Variants in MACF1 observed in about 807,000 individuals in gnomAD.
The protein encoded by MACF1 is microtubule actin crosslinking factor 1.
A neutral mutation model predicts 854.8 loss-of-function variants in MACF1; 193 were observed. That is an observed-to-expected ratio of 0.23 (90% CI 0.20 to 0.25). The LOEUF is 0.25. Among genes scored for constraint, MACF1 ranks in the 10% least tolerant of loss-of-function variants. MACF1 has a pLI of 1.00. For missense variants in MACF1, 7,722 were observed against 8,929.1 expected (o/e 0.86, Z 5.45); for synonymous variants, 3,185 against 3,226.7 (o/e 0.99, Z 0.44).
intron 1 of MACF1, among the ~76,000 whole-genome samples, chr1:39,216,743 C>T (rs1644581295): frequency 6.6e-6 from 1 of 151,858 alleles, no homozygotes; most frequent in African/African-American, 2.4e-5. Context: ...AAAGAATTGC[C>T]TATATCTAAA....
At position 39,447,552 on chromosome 1, in the gene MACF1, C is replaced by T; in HGVS notation, c.19726C>T (p.Leu6576=). The change falls in exon 81 of 101, where the codon CTA becomes TTA. Residue 6576 remains leucine, a synonymous_variant. Transcript: ENST00000564288. ...CATCGCTTCTCCACCAAGCCTGATTCTAAATACTGTCCTTTCCCAGATAGA... is the reference window on the plus strand; with the variant it reads ...CATCGCTTCTCCACCAAGCCTGATTTTAAATACTGTCCTTTCCCAGATAGA... The part of the protein sequence containing the change: ...LNIASPPSLI[L]NTVLSQIEEH... 6.2e-7 allele frequency: 1 copy of T among 1,614,144 alleles called. No individual in the cohort carries two copies. Among genetic ancestry groups the T allele is most frequent in the Non-Finnish European group, 8.5e-7 (1 of 1,180,016 alleles).
chr1:39,107,658 C>T (rs1373179538), intron 2 of MACF1, among the ~76,000 whole-genome samples: 1 of 152,110 alleles, frequency 6.6e-6, no homozygotes, highest in Admixed American at 6.5e-5. Context: ...AATAGGAGAA[C>T]AGTTTGTCTA....
intron 2 of MACF1, among the ~76,000 whole-genome samples, chr1:39,148,961 A>C (rs1321543329): frequency 6.6e-6 from 1 of 152,180 alleles, no homozygotes; most frequent in Non-Finnish European, 1.5e-5. Flanking sequence ...TGGAGGTTTT[A>C]TACATTGGAA....
intron 58 of MACF1, among the ~76,000 whole-genome samples, chr1:39,405,123 T>C (rs953370370): frequency 2.0e-5 from 3 of 152,210 alleles, no homozygotes; most frequent in Non-Finnish European, 4.4e-5. Context: ...CACGAGTACA[T>C]GAGAGCTCAA....
intron 2 of MACF1, chr1:39,121,121 G>A (rs998687261): frequency 2.6e-5 from 4 of 152,122 alleles, no homozygotes; most frequent in Admixed American, 6.5e-5. Context: ...AGAGTTTCTG[G>A]TATAAAGTAG....
At chr1:39,179,788 G>GT (rs1644080444) in intron 2 of MACF1, among the ~76,000 whole-genome samples, 1 of 152,136 alleles carries the variant, frequency 6.6e-6, no homozygotes, top group Non-Finnish European at 1.5e-5. Flanking sequence ...GCCGAGGCAG[G>GT]TGGATCACTT....
intron 89 of MACF1, chr1:39,457,995 G>T: frequency 6.0e-6 from 1 of 165,320 alleles, no homozygotes; most frequent in Non-Finnish European, 1.3e-5. Flanking sequence ...GTGTTACATG[G>T]CAAGAGAGGG....
At chr1:39,294,939 A>G in intron 18 of MACF1, 107 bp from the exon 19 acceptor site, 1 of 761,864 alleles carries the variant, frequency 1.3e-6, no homozygotes, top group East Asian at 2.5e-5. Context: ...TTTGCCACCA[A>G]TTCTATATTG....
intron 2 of MACF1, among the ~76,000 whole-genome samples, chr1:39,235,011 C>T (rs1644842750): frequency 6.6e-6 from 1 of 151,686 alleles, no homozygotes; most frequent in South Asian, 2.1e-4. Context: ...AGACGCTCCT[C>T]ACTTTCCAGA....
chr1:39,191,924 G>A (rs1180655801), intron 2 of MACF1, among the ~76,000 whole-genome samples: 1 of 152,140 alleles, frequency 6.6e-6, no homozygotes, highest in Non-Finnish European at 1.5e-5. Flanking sequence ...GCCGAAGCAG[G>A]TGGATCACTT....
intron 15 of MACF1, 93 bp from the exon 16 acceptor site, chr1:39,291,817 T>C: frequency 1.5e-6 from 2 of 1,344,818 alleles, no homozygotes; most frequent in Non-Finnish European, 2.0e-6. Flanking sequence ...CTCAGTCCTC[T>C]ACCCCTTGGT....
intron 2 of MACF1, among the ~76,000 whole-genome samples, chr1:39,150,991 C>T (rs930102178): frequency 1.3e-5 from 2 of 152,136 alleles, no homozygotes; most frequent in Non-Finnish European, 2.9e-5. Context: ...TTTTCTCTTC[C>T]GAGCTCCAAG....
At chr1:39,376,571 G>A (rs1174153743) in intron 52 of MACF1, among the ~76,000 whole-genome samples, 1 of 152,156 alleles carries the variant, frequency 6.6e-6, no homozygotes, top group Non-Finnish European at 1.5e-5. Context: ...GGTTAGTACC[G>A]TCTTCTCCCA....
At chr1:39,242,948 C>T (rs1644942749) in intron 2 of MACF1, among the ~76,000 whole-genome samples, 3 of 152,150 alleles carry the variant, frequency 2.0e-5, no homozygotes, top group Admixed American at 2.0e-4. Flanking sequence ...TTTCAGTTCT[C>T]TTTAATTACA....
At chr1:39,392,454 A>G (rs1642071152) in intron 58 of MACF1, among the ~76,000 whole-genome samples, 1 of 152,214 alleles carries the variant, frequency 6.6e-6, no homozygotes, top group Non-Finnish European at 1.5e-5. Flanking sequence ...ATTATTTTTA[A>G]TAAGGTAAAA....
At chr1:39,143,940 A>G (rs1224157162) in intron 2 of MACF1, among the ~76,000 whole-genome samples, 1 of 151,790 alleles carries the variant, frequency 6.6e-6, no homozygotes, top group African/African-American at 2.4e-5. Context: ...GGCACCAGCC[A>G]CCATGCCTAG....
intron 35 of MACF1, 49 bp downstream of exon 35, chr1:39,324,783 C>G (rs921503719): frequency 7.3e-7 from 1 of 1,369,068 alleles, no homozygotes; most frequent in Non-Finnish European, 1.0e-6. Flanking sequence ...CCTGGTCTAT[C>G]AGTCTAAAAC....
At position 39,267,692 on chromosome 1, in the gene MACF1, A is replaced by G. The variant is rs565152817; in HGVS notation, c.528+9664A>G. ...ATTAGATGTTAGCAGTGGCAGCATC[A>G]ATAATTACTATTGAACATTTTTGTC... On this transcript the variant is annotated intron_variant, in intron 6 of 100. Transcript: ENST00000564288. Among the ~76,000 whole-genome samples, 3 of 152,378 alleles carry G rather than the reference A, an allele frequency of 2.0e-5. No homozygotes were observed. In the East Asian group the frequency reaches 5.8e-4, roughly 29 times the overall value.
intron 2 of MACF1, among the ~76,000 whole-genome samples, chr1:39,249,428 A>G (rs1381433961): frequency 6.6e-6 from 1 of 152,200 alleles, no homozygotes; most frequent in Non-Finnish European, 1.5e-5. Context: ...ATTTAGTACC[A>G]TGTTTGATAT....
Sources: gnomAD v4.1 joint callset for allele counts (sites outside exome capture counted in the v4.1 genomes callset) on GRCh38, gnomAD v4.1.1 for gene constraint, MANE v1.5 for transcripts, NCBI Gene and HGNC (gene_info 2026-07-23, HGNC 2026-07-21) for gene names.